ARHGAP24: variants seen among roughly 807,000 people sequenced by gnomAD.
ARHGAP24 encodes the protein rho GTPase-activating protein 24.
ARHGAP24 carries 50 observed loss-of-function variants against 76.4 expected under a neutral mutation model. That is an observed-to-expected ratio of 0.65 (90% CI 0.52 to 0.83). The LOEUF (loss-of-function observed/expected upper bound fraction) is 0.83, where lower values mean the gene tolerates loss of function less well. ARHGAP24 is among the 40% of genes least tolerant of loss of function. The pLI is 0.00. For missense variants in ARHGAP24, 930 were observed against 914.2 expected, an observed-to-expected ratio of 1.02 and a Z score of -0.22; for synonymous variants, 345 against 323.3, an observed-to-expected ratio of 1.07 and a Z score of -0.72.
intron 3 of ARHGAP24, among the ~76,000 whole-genome samples, chr4:85,751,500 T>C (rs1726264436): frequency 6.6e-6 from 1 of 152,224 alleles, no homozygotes. Context: ...GGCAATGTTA[T>C]ATGGTTTAAC....
rs75677068 is a variant in ARHGAP24 at position 85,597,689 on chromosome 4, AT to A, written c.180+26969del. On this transcript the variant is annotated intron_variant, in intron 2 of 9. Coordinates refer to ENST00000395184, the MANE Select transcript of ARHGAP24 (RefSeq NM_001025616.3). ...GAGACATTAAATAAATGTTTGCTTA[AT>A]GAGAATGTTACATATTTAAATAGGT... 4.3e-3 allele frequency among the ~76,000 whole-genome samples: 651 copies of A among 152,048 alleles called. 11 individuals carry two copies. In the East Asian group the frequency reaches 0.051, roughly 12 times the overall value.
intron 3 of ARHGAP24, among the ~76,000 whole-genome samples, chr4:85,806,815 GC>G (rs1728812542): frequency 6.6e-6 from 1 of 152,114 alleles, no homozygotes; most frequent in Non-Finnish European, 1.5e-5. Context: ...GCTTATGACT[GC>G]CCAAAAATAT....
intron 5 of ARHGAP24, among the ~76,000 whole-genome samples, chr4:85,950,642 C>A (rs1376278745): frequency 6.6e-6 from 1 of 150,774 alleles, no homozygotes; most frequent in South Asian, 2.1e-4. Flanking sequence ...TTTTCTTTTT[C>A]TTTTACTTTT....
chr4:85,749,224 T>C (rs1391791903), intron 3 of ARHGAP24, among the ~76,000 whole-genome samples: 1 of 152,242 alleles, frequency 6.6e-6, no homozygotes, highest in Non-Finnish European at 1.5e-5. Context: ...CAACTCTTGC[T>C]CTACAAGCAG....
intron 3 of ARHGAP24, among the ~76,000 whole-genome samples, chr4:85,814,488 A>G (rs1729151971): frequency 6.6e-6 from 1 of 152,262 alleles, no homozygotes; most frequent in African/African-American, 2.4e-5. Flanking sequence ...CAAAGGGACT[A>G]CAGAGTACCC....
At chr4:85,708,086 G>A (rs558285544) in intron 2 of ARHGAP24, among the ~76,000 whole-genome samples, 23 of 152,190 alleles carry the variant, frequency 1.5e-4, no homozygotes, top group African/African-American at 5.5e-4. Context: ...CCTGCAAAAT[G>A]AACCTGAAAA....
At chr4:85,976,419 A>G (rs1220234171) in intron 7 of ARHGAP24, among the ~76,000 whole-genome samples, 7 of 152,202 alleles carry the variant, frequency 4.6e-5, no homozygotes, top group African/African-American at 1.7e-4. Context: ...CTCTGGTACC[A>G]CATGACTCTC....
At chr4:85,982,731 A>G (rs1341778714) in intron 8 of ARHGAP24, among the ~76,000 whole-genome samples, 1 of 152,186 alleles carries the variant, frequency 6.6e-6, no homozygotes, top group Admixed American at 6.5e-5. Context: ...TAATGCATAG[A>G]AAGTTGTTTT....
intron 2 of ARHGAP24, among the ~76,000 whole-genome samples, chr4:85,631,068 AAG>A (rs1329317544): frequency 6.6e-6 from 1 of 152,062 alleles, no homozygotes; most frequent in Admixed American, 6.6e-5. Flanking sequence ...GAAAGAGAAA[AAG>A]AGAGAGTAAG....
intron 2 of ARHGAP24, among the ~76,000 whole-genome samples, chr4:85,629,576 A>G (rs996382406): frequency 1.3e-5 from 2 of 152,224 alleles, no homozygotes; most frequent in Admixed American, 6.5e-5. Context: ...TGTGTGGGAA[A>G]TTATATCTCT....
chr4:85,894,979 AAAAAAAAAAC>A (rs1734071617), intron 3 of ARHGAP24, among the ~76,000 whole-genome samples: 1 of 62,530 alleles, frequency 1.6e-5, no homozygotes, highest in Non-Finnish European at 2.8e-5. Context: ...AAAAAAAAAA[AAAAAAAAAAC>A]AAAACAAAAA....
intron 1 of ARHGAP24, among the ~76,000 whole-genome samples, chr4:85,528,481 G>A (rs1725113592): frequency 6.6e-6 from 1 of 151,958 alleles, no homozygotes; most frequent in Admixed American, 6.6e-5. Context: ...AGATGGGGAT[G>A]GAAGATCAGA....
intron 2 of ARHGAP24, among the ~76,000 whole-genome samples, chr4:85,686,966 T>G (rs1178958875): frequency 6.6e-6 from 1 of 152,088 alleles, no homozygotes; most frequent in Non-Finnish European, 1.5e-5. Flanking sequence ...TACCATTAAC[T>G]TCTTTGTATC....
At chr4:85,766,306 C>T (rs1344467253) in intron 3 of ARHGAP24, among the ~76,000 whole-genome samples, 1 of 152,018 alleles carries the variant, frequency 6.6e-6, no homozygotes, top group African/African-American at 2.4e-5. Context: ...AAAGAAGAGT[C>T]GAGAATTTTC....
intron 3 of ARHGAP24, among the ~76,000 whole-genome samples, chr4:85,785,980 A>G (rs1433192688): frequency 6.9e-6 from 1 of 145,608 alleles, no homozygotes; most frequent in Non-Finnish European, 1.5e-5. Context: ...AGAGACCACT[A>G]CTACCTTTTT....
rs149144549 is a variant in ARHGAP24 at position 85,837,543 on chromosome 4, C to T, written c.269-86105C>T. The stretch of plus-strand genomic sequence containing the variant: ...GAGAAAAACAAAAAAAAACAAGCAG[C>T]GGAATTAAACTTTGTCCTGGAGTCA... On this transcript the variant is annotated intron_variant, in intron 3 of 9. Transcript: ENST00000395184. Among the ~76,000 whole-genome samples, 823 of 152,094 alleles carry T rather than the reference C, an allele frequency of 5.4e-3. 5 individuals are homozygous for T. Among genetic ancestry groups the T allele is most frequent in the Middle Eastern group, 0.01 (3 of 294 alleles).
intron 2 of ARHGAP24, among the ~76,000 whole-genome samples, chr4:85,659,386 TA>T (rs1232651354): frequency 6.6e-6 from 1 of 152,208 alleles, no homozygotes; most frequent in Non-Finnish European, 1.5e-5. Flanking sequence ...AAAGTAAAAA[TA>T]AGATTAAAGT....
At chr4:85,878,742 C>A (rs1362112355) in intron 3 of ARHGAP24, among the ~76,000 whole-genome samples, 1 of 152,108 alleles carries the variant, frequency 6.6e-6, no homozygotes, top group Non-Finnish European at 1.5e-5. Flanking sequence ...GAGGATCTTG[C>A]TATTCTTGAA....
At chr4:85,629,847 T>C (rs180842789) in intron 2 of ARHGAP24, among the ~76,000 whole-genome samples, 70 of 151,854 alleles carry the variant, frequency 4.6e-4, no homozygotes, top group Admixed American at 1.4e-3. Flanking sequence ...CTATTAGGTG[T>C]TGTTTGGGCT....
Sources: gnomAD v4.1 joint callset for allele counts (sites outside exome capture counted in the v4.1 genomes callset) on GRCh38, gnomAD v4.1.1 for gene constraint, MANE v1.5 for transcripts, NCBI Gene and HGNC (gene_info 2026-07-23, HGNC 2026-07-21) for gene names.